The following NEMP2 variants were observed in gnomAD, a reference collection of about 807,000 sequenced individuals.
NEMP2 encodes nuclear envelope integral membrane protein 2.
NEMP2 carries 53 observed loss-of-function variants against 54.2 expected under a neutral mutation model. That is an observed-to-expected ratio of 0.98 (90% CI 0.78 to 1.23). NEMP2 has a LOEUF of 1.23. Ranked by LOEUF, NEMP2 falls within the 50% of genes most tolerant of loss-of-function variation. The probability of loss-of-function intolerance (pLI) is 0.00; values close to 1 mark genes in which losing one functional copy is unlikely to be tolerated. For synonymous variants in NEMP2, 197 were observed against 190.3 expected, an observed-to-expected ratio of 1.04 and a Z score of -0.29; for missense variants, 455 against 511.3, an observed-to-expected ratio of 0.89 and a Z score of 1.06.
the NEMP2 span, among the ~76,000 whole-genome samples, chr2:190,474,858 CT>C: frequency 6.6e-6 from 1 of 152,160 alleles, no homozygotes; most frequent in East Asian, 1.9e-4. Flanking sequence ...CATCAAAAAG[CT>C]TATCCACCAT....
chr2:190,545,432 A>G, the NEMP2 span, among the ~76,000 whole-genome samples: 1 of 152,288 alleles, frequency 6.6e-6, no homozygotes, highest in Admixed American at 6.5e-5. Flanking sequence ...TTCAAAGTTT[A>G]TTTTCTTTCA....
At chr2:190,483,114 G>A in the NEMP2 span, among the ~76,000 whole-genome samples, 2 of 150,504 alleles carry the variant, frequency 1.3e-5, no homozygotes, top group South Asian at 4.2e-4. Flanking sequence ...GGATGGTCTC[G>A]ATCTCCTGAC....
the NEMP2 span, among the ~76,000 whole-genome samples, chr2:190,460,583 CA>C: frequency 6.6e-6 from 1 of 152,184 alleles, no homozygotes; most frequent in Admixed American, 6.5e-5. Flanking sequence ...AAAAATGAGC[CA>C]GCATAATATG....
chr2:190,493,061 A>T, the NEMP2 span, among the ~76,000 whole-genome samples: 1 of 152,180 alleles, frequency 6.6e-6, no homozygotes, highest in Non-Finnish European at 1.5e-5. Flanking sequence ...AATGGCCTAA[A>T]TGCTCCACTT....
the NEMP2 span, among the ~76,000 whole-genome samples, chr2:190,563,717 A>G: frequency 6.6e-6 from 1 of 152,194 alleles, no homozygotes; most frequent in African/African-American, 2.4e-5. The surrounding 1 kb of genome is among the most constrained non-coding windows in gnomAD (Gnocchi z 4.3). Context: ...CAATGAGATA[A>G]TGGCTTATTG....
At chr2:190,621,629 C>T in the NEMP2 span, among the ~76,000 whole-genome samples, 5 of 151,322 alleles carry the variant, frequency 3.3e-5, 1 homozygote, top group African/African-American at 1.2e-4. Flanking sequence ...GCTCATATGT[C>T]CCTATTTCAA....
chr2:190,540,449 AAT>A, the NEMP2 span, among the ~76,000 whole-genome samples: 6 of 152,000 alleles, frequency 3.9e-5, no homozygotes, highest in African/African-American at 1.4e-4. Context: ...AAGCCCAGAT[AAT>A]ATATTTTACT....
At chr2:190,432,311 G>T in the NEMP2 span, among the ~76,000 whole-genome samples, 183 of 152,346 alleles carry the variant, frequency 1.2e-3, 4 homozygotes, top group Admixed American at 0.012. Context: ...AGGGGCCAAG[G>T]CTCAGAATCC....
chr2:190,582,720 A>G, the NEMP2 span, among the ~76,000 whole-genome samples: 4 of 152,328 alleles, frequency 2.6e-5, no homozygotes, highest in South Asian at 6.2e-4. The surrounding 1 kb of genome is among the most constrained non-coding windows in gnomAD (Gnocchi z 4.6). Context: ...GTGAGGAAGC[A>G]TTTCTTAAAA....
chr2:190,628,884 T>C, the NEMP2 span, among the ~76,000 whole-genome samples: 1 of 152,188 alleles, frequency 6.6e-6, no homozygotes, highest in Non-Finnish European at 1.5e-5. The surrounding 1 kb of genome is among the most constrained non-coding windows in gnomAD (Gnocchi z 4.1). Context: ...TTCTCTTCCA[T>C]GCAACAAAAA....
the NEMP2 span, chr2:190,497,541 T>C: frequency 2.5e-6 from 4 of 1,614,218 alleles, no homozygotes; most frequent in African/African-American, 2.7e-5. This position sits in a 1 kb window ranked among gnomAD's most constrained non-coding sequence, Gnocchi z 5.2. Flanking sequence ...ATGCCACGCA[T>C]TGAGCCCAGA....
chr2:190,487,088 A>T, the NEMP2 span, among the ~76,000 whole-genome samples: 1 of 152,160 alleles, frequency 6.6e-6, no homozygotes, highest in African/African-American at 2.4e-5. The surrounding 1 kb of genome is among the most constrained non-coding windows in gnomAD (Gnocchi z 5.5). Flanking sequence ...TGGCTCACTA[A>T]TCCCAGCACT....
chr2:190,437,802 G>GAA, the NEMP2 span, among the ~76,000 whole-genome samples: 3 of 152,116 alleles, frequency 2.0e-5, no homozygotes, highest in African/African-American at 7.2e-5. This position sits in a 1 kb window ranked among gnomAD's most constrained non-coding sequence, Gnocchi z 5.9. Context: ...CCACCCCACA[G>GAA]AAAAGACCTA....
At chr2:190,496,238 A>G in the NEMP2 span, among the ~76,000 whole-genome samples, 5 of 152,220 alleles carry the variant, frequency 3.3e-5, no homozygotes, top group African/African-American at 9.6e-5. The surrounding 1 kb of genome is among the most constrained non-coding windows in gnomAD (Gnocchi z 4.7). Flanking sequence ...ACAATGGTCA[A>G]CATCACTAGT....
At chr2:190,595,591 G>T in the NEMP2 span, among the ~76,000 whole-genome samples, 1 of 152,032 alleles carries the variant, frequency 6.6e-6, no homozygotes, top group Admixed American at 6.5e-5. This position sits in a 1 kb window ranked among gnomAD's most constrained non-coding sequence, Gnocchi z 4.0. Context: ...GTGTGCGAAG[G>T]ATATAAACAG....
At chr2:190,436,041 T>C in the NEMP2 span, 1 of 1,609,556 alleles carries the variant, frequency 6.2e-7, no homozygotes, top group East Asian at 2.2e-5. This position sits in a 1 kb window ranked among gnomAD's most constrained non-coding sequence, Gnocchi z 5.3. Flanking sequence ...TGGCAGATGA[T>C]AAAGTTGCTA....
chr2:190,485,827 AATG>A, the NEMP2 span, among the ~76,000 whole-genome samples: 2 of 152,208 alleles, frequency 1.3e-5, no homozygotes, highest in African/African-American at 4.8e-5. The surrounding 1 kb of genome is among the most constrained non-coding windows in gnomAD (Gnocchi z 5.1). Flanking sequence ...ACCTAGTTAA[AATG>A]ATGACTGAAA....
chr2:190,590,376 G>A, the NEMP2 span, among the ~76,000 whole-genome samples: 3 of 152,166 alleles, frequency 2.0e-5, no homozygotes, highest in Non-Finnish European at 4.4e-5. This position sits in a 1 kb window ranked among gnomAD's most constrained non-coding sequence, Gnocchi z 5.1. Flanking sequence ...TCTGAAGTCT[G>A]ACACTAGTGT....
chr2:190,506,772 C>T lies in NEMP2; in HGVS notation c.*2417G>A, dbSNP rs1253367069. Reference sequence around the variant, plus strand: ...ATCTGGTGTCAAAGAGTTCAACTTGCTAACAACAGTAAGCTTTTGTAGGCA... The same window carrying T: ...ATCTGGTGTCAAAGAGTTCAACTTGTTAACAACAGTAAGCTTTTGTAGGCA... On this transcript the variant is annotated 3_prime_UTR_variant, in exon 9 of 9. Coordinates refer to ENST00000409150, the MANE Select transcript of NEMP2 (RefSeq NM_001142645.2). This position sits in a 1 kb window ranked among gnomAD's most constrained non-coding sequence, Gnocchi z 6.3. 2.0e-5 allele frequency: 3 copies of T among 152,188 alleles called. No individual in the cohort carries two copies. The highest frequency in any genetic ancestry group is 2.0e-4 in the Admixed American group (3 of 15,276). The allele number at this position is 152,188 out of a possible 1,614,324, so 9.4% of individuals were successfully genotyped here.
Sources: gnomAD v4.1 joint callset for allele counts (sites outside exome capture counted in the v4.1 genomes callset) on GRCh38, gnomAD v4.1.1 for gene constraint, Gnocchi (gnomAD v3.1) non-coding constraint, MANE v1.5 for transcripts, NCBI Gene and HGNC (gene_info 2026-07-23, HGNC 2026-07-21) for gene names.